The following PEX5L variants were observed in gnomAD, a reference collection of about 807,000 sequenced individuals.
PEX5L encodes the protein peroxisomal biogenesis factor 5 like, also known as PEX5-related protein.
Under a neutral mutation model 84.0 loss-of-function variants are expected in PEX5L, and 30 were observed. The observed-to-expected ratio is 0.36, with a 90% CI of 0.27 to 0.48. The LOEUF is 0.48. Among genes scored for constraint, PEX5L ranks in the 20% least tolerant of loss-of-function variants. The pLI is 0.99. For synonymous variants in PEX5L, 270 were observed against 283.1 expected, an observed-to-expected ratio of 0.95 and a Z score of 0.46; for missense variants, 533 against 754.6, an observed-to-expected ratio of 0.71 and a Z score of 3.44.
chr3:179,920,786 T>C (rs1431776534), intron 2 of PEX5L, among the ~76,000 whole-genome samples: 1 of 152,202 alleles, frequency 6.6e-6, no homozygotes, highest in African/African-American at 2.4e-5. Context: ...AAAAGACTCC[T>C]TGGCACTTAA....
intron 1 of PEX5L, among the ~76,000 whole-genome samples, chr3:179,987,799 T>G (rs1786992126): frequency 6.6e-6 from 1 of 152,206 alleles, no homozygotes; most frequent in Non-Finnish European, 1.5e-5. Flanking sequence ...ACAGACTGGA[T>G]TTTTTATAGT....
rs1718127260 is a variant in PEX5L at position 179,799,188 on chromosome 3, G to C, written c.*2640C>G. ...CCGCCTCTGCCTCCCAAAGTGCTAGGATTACAGGCGTGAGCCACCGCACCT... is the reference window on the plus strand; with the variant it reads ...CCGCCTCTGCCTCCCAAAGTGCTAGCATTACAGGCGTGAGCCACCGCACCT... On this transcript the variant is annotated 3_prime_UTR_variant, in exon 15 of 15. Transcript: ENST00000467460. The C allele has an allele frequency of 6.6e-6, 1 of 152,004 alleles. No individual in the cohort carries two copies. Among genetic ancestry groups the C allele is most frequent in the Admixed American group, 6.6e-5 (1 of 15,264 alleles). 9.4% of individuals were successfully genotyped at this position (152,004 alleles called of 1,614,324 possible).
chr3:179,963,327 T>A (rs1208516790), intron 2 of PEX5L, among the ~76,000 whole-genome samples: 1 of 152,260 alleles, frequency 6.6e-6, no homozygotes, highest in East Asian at 1.9e-4. Flanking sequence ...TGCTCATAAA[T>A]AACTGCCCTA....
intron 2 of PEX5L, chr3:179,900,820 C>T: frequency 1.2e-6 from 1 of 813,748 alleles, no homozygotes; most frequent in East Asian, 2.7e-5. Context: ...CGATAATACC[C>T]CATGAGCGTC....
intron 14 of PEX5L, among the ~76,000 whole-genome samples, chr3:179,802,881 G>T (rs1457528289): frequency 1.3e-5 from 2 of 151,202 alleles, no homozygotes; most frequent in East Asian, 3.9e-4. Flanking sequence ...TTTTTCCAAG[G>T]ATTACTTTCC....
At chr3:179,924,838 C>T (rs1770940911) in intron 2 of PEX5L, among the ~76,000 whole-genome samples, 1 of 151,420 alleles carries the variant, frequency 6.6e-6, no homozygotes, top group African/African-American at 2.4e-5. Flanking sequence ...CAGTATGTTG[C>T]ACATAAGAGA....
At chr3:179,830,700 C>T (rs1732513960) in intron 8 of PEX5L, among the ~76,000 whole-genome samples, 1 of 152,174 alleles carries the variant, frequency 6.6e-6, no homozygotes, top group Non-Finnish European at 1.5e-5. Context: ...GAAATATTTT[C>T]TCTTCCAAGG....
At chr3:180,004,588 T>A (rs1343028767) in intron 1 of PEX5L, among the ~76,000 whole-genome samples, 2 of 152,098 alleles carry the variant, frequency 1.3e-5, no homozygotes, top group African/African-American at 4.8e-5. Context: ...ATTTATTGTT[T>A]TTGTTTTGTT....
At chr3:179,915,339 C>T (rs1766653156) in intron 2 of PEX5L, among the ~76,000 whole-genome samples, 2 of 152,282 alleles carry the variant, frequency 1.3e-5, no homozygotes, top group Admixed American at 6.5e-5. Context: ...TTGAGTCAAT[C>T]TTGTCTGGAT....
intron 2 of PEX5L, among the ~76,000 whole-genome samples, chr3:179,910,707 T>C (rs1764867815): frequency 6.6e-6 from 1 of 152,208 alleles, no homozygotes; most frequent in Non-Finnish European, 1.5e-5. Flanking sequence ...TTAGATGATA[T>C]CCATGGGGGA....
chr3:179,914,162 A>G (rs1347598692), intron 2 of PEX5L, among the ~76,000 whole-genome samples: 2 of 152,218 alleles, frequency 1.3e-5, no homozygotes, highest in African/African-American at 4.8e-5. Context: ...CAGGGTGCCA[A>G]AGTTCCACAG....
intron 14 of PEX5L, among the ~76,000 whole-genome samples, chr3:179,802,550 A>AAAAAAAAAAAG (rs1553813985): frequency 1.5e-4 from 20 of 131,582 alleles, no homozygotes; most frequent in South Asian, 2.4e-4. Context: ...AAAAAAAAAA[A>AAAAAAAAAAAG]AAAAGAAAAG....
chr3:179,802,552 A>G (rs1196853366), intron 14 of PEX5L, among the ~76,000 whole-genome samples: 1 of 149,894 alleles, frequency 6.7e-6, no homozygotes, highest in Non-Finnish European at 1.5e-5. Flanking sequence ...AAAAAAAAAA[A>G]AAGAAAAGAA....
chr3:179,999,986 A>G (rs1788245652), intron 1 of PEX5L, among the ~76,000 whole-genome samples: 1 of 152,188 alleles, frequency 6.6e-6, no homozygotes, highest in Non-Finnish European at 1.5e-5. Context: ...TCAGCGTCCA[A>G]TATATGGTAC....
chr3:179,970,736 A>G (rs1047373477), intron 2 of PEX5L, among the ~76,000 whole-genome samples: 3 of 152,178 alleles, frequency 2.0e-5, no homozygotes, highest in African/African-American at 7.2e-5. Flanking sequence ...CTGCATGATT[A>G]GGAAATTGAG....
chr3:179,999,968 G>A (rs1788244512), intron 1 of PEX5L, among the ~76,000 whole-genome samples: 1 of 152,198 alleles, frequency 6.6e-6, no homozygotes, highest in African/African-American at 2.4e-5. Flanking sequence ...GGCCATGTAT[G>A]CTCTGAATCA....
intron 1 of PEX5L, among the ~76,000 whole-genome samples, chr3:180,003,792 G>T (rs374267569): frequency 2.0e-5 from 3 of 152,226 alleles, no homozygotes; most frequent in South Asian, 2.1e-4. Flanking sequence ...TTTGGCTTCC[G>T]TTGGCTACTA....
intron 2 of PEX5L, among the ~76,000 whole-genome samples, chr3:179,949,693 A>T (rs1360959199): frequency 1.3e-5 from 2 of 152,150 alleles, no homozygotes; most frequent in African/African-American, 4.8e-5. Flanking sequence ...AAGTAAGTCT[A>T]ACCAAACCCT....
intron 8 of PEX5L, among the ~76,000 whole-genome samples, chr3:179,839,604 C>A (rs1736272750): frequency 6.6e-6 from 1 of 152,124 alleles, no homozygotes; most frequent in African/African-American, 2.4e-5. Context: ...AGGTTGAGTT[C>A]TATTTTTCAA....
Sources: gnomAD v4.1 joint callset for allele counts (sites outside exome capture counted in the v4.1 genomes callset) on GRCh38, gnomAD v4.1.1 for gene constraint, MANE v1.5 for transcripts, NCBI Gene and HGNC (gene_info 2026-07-23, HGNC 2026-07-21) for gene names.